STK38: variants seen among roughly 807,000 people sequenced by gnomAD.
STK38 encodes serine/threonine-protein kinase 38.
STK38 carries 26 observed loss-of-function variants against 59.0 expected under a neutral mutation model. The observed-to-expected ratio is 0.44, with a 90% CI of 0.32 to 0.61. STK38 has a LOEUF of 0.61. Ranked by LOEUF, STK38 falls within the 20% of genes least tolerant of loss-of-function variation. The pLI is 0.04. For missense variants in STK38, 433 were observed against 566.0 expected, an observed-to-expected ratio of 0.76 and a Z score of 2.38; for synonymous variants, 175 against 176.6, an observed-to-expected ratio of 0.99 and a Z score of 0.07.
intron 7 of STK38, among the ~76,000 whole-genome samples, chr6:36,509,985 G>A (rs1343909916): frequency 6.6e-6 from 1 of 152,152 alleles, no homozygotes; most frequent in Admixed American, 6.5e-5. Context: ...TCCACAGGTG[G>A]CCACAGGCAG....
intron 9 of STK38, among the ~76,000 whole-genome samples, chr6:36,505,397 A>T (rs1012388040): frequency 2.6e-5 from 4 of 152,198 alleles, no homozygotes; most frequent in African/African-American, 7.2e-5. Context: ...TAAACTGAAG[A>T]TTTCCCAAGT....
At chr6:36,517,656 T>C (rs950931869) in intron 6 of STK38, 61 bp downstream of exon 6, 16 of 1,591,996 alleles carry the variant, frequency 1.0e-5, no homozygotes, top group Non-Finnish European at 1.4e-5. Context: ...TTAATCGTGA[T>C]GTGAGAGAAA....
Position 36,515,412 on chromosome 6 carries a change from C to T in STK38, c.595G>A (p.Ala199Thr), listed in dbSNP as rs1296977401. The T allele has an allele frequency of 1.9e-6, 3 of 1,613,850 alleles. No individual in the cohort carries two copies. The African/African-American group carries it at 4.0e-5, about 22-fold the overall frequency. The change falls in exon 7 of 14, where the codon GCC (alanine) becomes ACC (threonine). Residue 199 changes from alanine to threonine, a missense_variant. Around this residue, in one of 3 missense-constraint regions of STK38, gnomAD observed 293 missense variants for 388.2 expected, o/e 0.75. Transcript: ENST00000229812. ...CCAAGTTGGTGAATAGAGTCTATGG[C>T]TAATACTGTTTCTGCTATATAAAAC... Reference protein sequence around the residue: ...TQFYIAETVLAIDSIHQLGFI... With the variant: ...TQFYIAETVLTIDSIHQLGFI...
intron 10 of STK38, 43 bp downstream of exon 10, chr6:36,499,830 T>G: frequency 6.8e-7 from 1 of 1,475,008 alleles, no homozygotes; most frequent in Non-Finnish European, 9.5e-7. Flanking sequence ...TAAAAGTCTG[T>G]CATGGATGCA....
chr6:36,522,855 CAA>C (rs1200049731), intron 4 of STK38, among the ~76,000 whole-genome samples: 1 of 66,560 alleles, frequency 1.5e-5, no homozygotes. Flanking sequence ...GACTCTGTCT[CAA>C]AAAAAAAAAA....
At chr6:36,525,717 TGTA>T (rs1482175217) in intron 2 of STK38, 75 bp from the exon 3 acceptor site, 19 of 1,204,008 alleles carry the variant, frequency 1.6e-5, no homozygotes, top group Middle Eastern at 2.2e-4. Flanking sequence ...AACTTAATAC[TGTA>T]GTAGATTTTT....
rs552081703 is a variant in STK38, at chr6:36,521,987, T to C, written c.307-170A>G. Among the ~76,000 whole-genome samples, 6 of 152,336 alleles carry C rather than the reference T, an allele frequency of 3.9e-5. No homozygotes were observed. The South Asian group carries it at 1.2e-3, about 32-fold the overall frequency. ...TTTTCAGTGTTCCAAAATGAATACA[T>C]TACACACAGTAAAGTCGATGCTGGA... On this transcript the variant is annotated intron_variant, in intron 4 of 13. Coordinates refer to ENST00000229812, the MANE Select transcript of STK38 (RefSeq NM_007271.4).
intron 2 of STK38, among the ~76,000 whole-genome samples, chr6:36,529,032 T>TGA (rs1561988179): frequency 6.6e-6 from 1 of 152,094 alleles, no homozygotes; most frequent in African/African-American, 2.4e-5. Context: ...AGCCTATCCA[T>TGA]GATAACAATT....
At chr6:36,497,709 T>C (rs1006236857) in intron 12 of STK38, 71 bp downstream of exon 12, 18 of 1,274,162 alleles carry the variant, frequency 1.4e-5, no homozygotes, top group Non-Finnish European at 2.0e-5. Context: ...CCAATGATGG[T>C]CCTTCCAAAT....
intron 1 of STK38, among the ~76,000 whole-genome samples, chr6:36,543,275 C>T (rs1409412715): frequency 1.3e-5 from 2 of 151,984 alleles, no homozygotes; most frequent in East Asian, 2.0e-4. Flanking sequence ...CCGTGTTAGC[C>T]AGGATGGTCT....
At chr6:36,528,107 T>C (rs1448335526) in intron 2 of STK38, among the ~76,000 whole-genome samples, 1 of 145,842 alleles carries the variant, frequency 6.9e-6, no homozygotes, top group African/African-American at 2.6e-5. Flanking sequence ...AGACTCCATC[T>C]CAAAAAAAAA....
At chr6:36,519,909 C>G (rs991572655) in intron 5 of STK38, among the ~76,000 whole-genome samples, 5 of 152,088 alleles carry the variant, frequency 3.3e-5, no homozygotes, top group African/African-American at 1.2e-4. Flanking sequence ...AAATTTCCAC[C>G]ACGTGGAGCA....
At chr6:36,511,937 T>C (rs1280336673) in intron 7 of STK38, among the ~76,000 whole-genome samples, 4 of 151,960 alleles carry the variant, frequency 2.6e-5, no homozygotes, top group Non-Finnish European at 4.4e-5. Context: ...TGCACGCCTG[T>C]AATCCCACCT....
At chr6:36,538,268 C>T (rs1402229075) in intron 2 of STK38, among the ~76,000 whole-genome samples, 1 of 151,550 alleles carries the variant, frequency 6.6e-6, no homozygotes, top group Non-Finnish European at 1.5e-5. Context: ...CACGCCACTG[C>T]ACTCCAGCCT....
rs750497236 is a variant in STK38 at position 36,497,849 on chromosome 6, A to G, written c.1103T>C (p.Ile368Thr). The change falls in exon 12 of 14, where the codon ATT becomes ACT. Residue 368 changes from isoleucine to threonine, a missense_variant. By Grantham distance (89) the Ile-to-Thr change is moderately conservative (BLOSUM62 -1). Coordinates refer to ENST00000229812, the MANE Select transcript of STK38 (RefSeq NM_007271.4). Reference sequence around the variant, plus strand: ...TATTTCCTCAACTCCAGGAGCTCCAATTCTATGTTCCCATTCACAGCAGAA... The same window carrying G: ...TATTTCCTCAACTCCAGGAGCTCCAGTTCTATGTTCCCATTCACAGCAGAA... ...LRFCCEWEHR[I>T]GAPGVEEIKS... The G allele has an allele frequency of 8.7e-6, 14 of 1,613,720 alleles. No individual in the cohort carries two copies. The highest frequency in any genetic ancestry group is 1.2e-5 in the Non-Finnish European group (14 of 1,179,928).
chr6:36,506,394 C>T (rs889038648), intron 9 of STK38, among the ~76,000 whole-genome samples, 189 bp downstream of exon 9: 3 of 152,180 alleles, frequency 2.0e-5, no homozygotes, highest in Non-Finnish European at 2.9e-5. Context: ...TCAAAACAAC[C>T]TAATATTACC....
At chr6:36,514,071 T>C (rs867361098) in intron 7 of STK38, among the ~76,000 whole-genome samples, 22 of 146,644 alleles carry the variant, frequency 1.5e-4, no homozygotes, top group African/African-American at 2.5e-4. Flanking sequence ...AGGAGAATGG[T>C]GTGAACCCGG....
chr6:36,497,938 CTTTTT>C (rs147832342), intron 11 of STK38, 63 bp from the exon 12 acceptor site: 3,130 of 652,132 alleles, frequency 4.8e-3, no homozygotes, highest in East Asian at 0.011. Context: ...GAAAAACTTT[CTTTTT>C]TTTTTTTTTT....
At chr6:36,538,325 A>G (rs374089749) in intron 2 of STK38, among the ~76,000 whole-genome samples, 1 of 152,104 alleles carries the variant, frequency 6.6e-6, no homozygotes, top group Non-Finnish European at 1.5e-5. Context: ...AAAAGAAAAA[A>G]AAAAAATCAC....
Sources: allele counts gnomAD v4.1 joint callset (sites outside exome capture counted in the v4.1 genomes callset), GRCh38; gene constraint gnomAD v4.1.1; regional missense constraint gnomAD v4.1.1; transcripts MANE v1.5; gene names NCBI Gene and HGNC (gene_info 2026-07-23, HGNC 2026-07-21).